The following ZNF334 variants were observed in gnomAD, a reference collection of about 807,000 sequenced individuals.
The protein encoded by ZNF334 is zinc finger protein 334.
A neutral mutation model predicts 12.4 loss-of-function variants in ZNF334; 14 were observed. That is an observed-to-expected ratio of 1.13 (90% confidence interval 0.74 to 1.76). The LOEUF (loss-of-function observed/expected upper bound fraction) is 1.76, where lower values mean the gene tolerates loss of function less well. ZNF334 is among the 40% of genes most tolerant of loss of function. The pLI is 0.00. For synonymous variants in ZNF334, 273 were observed against 269.6 expected, an observed-to-expected ratio of 1.01 and a Z score of -0.12; for missense variants, 797 against 804.5, an observed-to-expected ratio of 0.99 and a Z score of 0.11.
chr20:46,498,774 T>A (rs1001689369), downstream of ZNF334, among the ~76,000 whole-genome samples: 9 of 152,196 alleles, frequency 5.9e-5, no homozygotes, highest in African/African-American at 1.9e-4. Flanking sequence ...TTGTTGCAGA[T>A]GTAATTATTT....
the ZNF334 span, among the ~76,000 whole-genome samples, chr20:46,478,605 G>A: frequency 1.6e-4 from 25 of 152,290 alleles, no homozygotes; most frequent in East Asian, 9.6e-4. Flanking sequence ...AGGCATGTCC[G>A]ACCCCACTTC....
At chr20:46,496,442 C>T (rs908882394), downstream of ZNF334, among the ~76,000 whole-genome samples, 4 of 152,174 alleles carry the variant, frequency 2.6e-5, no homozygotes, top group East Asian at 1.9e-4. Flanking sequence ...AATGAAGAGA[C>T]TCTTTACAAA....
the ZNF334 span, among the ~76,000 whole-genome samples, chr20:46,482,671 A>C: frequency 6.6e-6 from 1 of 152,348 alleles, no homozygotes; most frequent in African/African-American, 2.4e-5. Flanking sequence ...ATCAATTAAA[A>C]AAGATCTATT....
At chr20:46,510,206 T>G (rs183336941) in intron 2 of ZNF334, among the ~76,000 whole-genome samples, 20 of 152,194 alleles carry the variant, frequency 1.3e-4, no homozygotes, top group East Asian at 9.7e-4. Flanking sequence ...CATGATCACG[T>G]TGGCATTTTG....
chr20:46,477,342 GT>G, the ZNF334 span: 39 of 147,026 alleles, frequency 2.7e-4, no homozygotes, highest in East Asian at 7.9e-4. Context: ...TTGTTTTTTG[GT>G]TTTTTTTTTT....
At chr20:46,467,876 G>A in the ZNF334 span, among the ~76,000 whole-genome samples, 1 of 152,206 alleles carries the variant, frequency 6.6e-6, no homozygotes, top group Non-Finnish European at 1.5e-5. Flanking sequence ...GTAACAATGT[G>A]TTCATCACAG....
At chr20:46,465,541 AAAACAAAC>A in the ZNF334 span, among the ~76,000 whole-genome samples, 1 of 152,128 alleles carries the variant, frequency 6.6e-6, no homozygotes, top group Non-Finnish European at 1.5e-5. Flanking sequence ...CTAAAAAACC[AAAACAAAC>A]AAACAAACAA....
At chr20:46,493,462 G>A in the ZNF334 span, among the ~76,000 whole-genome samples, 1 of 152,168 alleles carries the variant, frequency 6.6e-6, no homozygotes, top group Non-Finnish European at 1.5e-5. Context: ...CAAAGGTCTT[G>A]GGTCTGTGGT....
At chr20:46,463,900 G>C in the ZNF334 span, 4 of 484,058 alleles carry the variant, frequency 8.3e-6, no homozygotes, top group South Asian at 6.3e-5. Flanking sequence ...TGGCTACTGA[G>C]CCAAGTCATA....
chr20:46,477,072 T>C, the ZNF334 span: 2 of 152,214 alleles, frequency 1.3e-5, no homozygotes, highest in Admixed American at 6.5e-5. Context: ...TTTTCCGGCA[T>C]ATTAAGTGCT....
At chr20:46,486,609 A>T in the ZNF334 span, among the ~76,000 whole-genome samples, 1 of 152,180 alleles carries the variant, frequency 6.6e-6, no homozygotes, top group Non-Finnish European at 1.5e-5. Flanking sequence ...TCACACAGCC[A>T]GTTTTAAGGA....
At chr20:46,503,463 A>T (rs1406182679) in intron 4 of ZNF334, among the ~76,000 whole-genome samples, 1 of 152,200 alleles carries the variant, frequency 6.6e-6, no homozygotes, top group Non-Finnish European at 1.5e-5. Flanking sequence ...TGGAGTGTTG[A>T]ATAAAACAGA....
At chr20:46,489,658 A>G in the ZNF334 span, among the ~76,000 whole-genome samples, 1 of 151,914 alleles carries the variant, frequency 6.6e-6, no homozygotes, top group Middle Eastern at 3.4e-3. Flanking sequence ...TCAAAAAAAA[A>G]AAAAAAAAAA....
the ZNF334 span, among the ~76,000 whole-genome samples, chr20:46,487,060 C>T: frequency 2.6e-5 from 4 of 152,042 alleles, no homozygotes; most frequent in South Asian, 8.3e-4. Flanking sequence ...TCCTGTCAAT[C>T]TGTCATTTGC....
the ZNF334 span, chr20:46,490,789 G>A: frequency 6.6e-6 from 1 of 152,138 alleles, no homozygotes; most frequent in Non-Finnish European, 1.5e-5. Flanking sequence ...ATGTTGCAGT[G>A]TCCAGTTCTG....
intron 2 of ZNF334, among the ~76,000 whole-genome samples, chr20:46,507,731 C>T (rs1284632081): frequency 1.3e-5 from 2 of 152,206 alleles, no homozygotes; most frequent in Admixed American, 1.3e-4. Context: ...TGCTATACAT[C>T]TTTCTACTGA....
At chr20:46,498,957 G>A (rs2061070257), downstream of ZNF334, among the ~76,000 whole-genome samples, 1 of 151,736 alleles carries the variant, frequency 6.6e-6, no homozygotes, top group Admixed American at 6.6e-5. Context: ...GGCGGATCAC[G>A]AGGTCAGGAG....
At chr20:46,466,157 T>C in the ZNF334 span, among the ~76,000 whole-genome samples, 6 of 152,230 alleles carry the variant, frequency 3.9e-5, no homozygotes, top group South Asian at 1.0e-3. Flanking sequence ...AATTTTCTTA[T>C]CTAATCTCTA....
At position 46,504,176 on chromosome 20, in the gene ZNF334, T is replaced by C. The variant is rs2061348668; in HGVS notation, c.241+38A>G. The C allele has an allele frequency of 2.1e-6, 3 of 1,420,908 alleles. No homozygotes were observed. In the African/African-American group the frequency reaches 4.3e-5, roughly 20 times the overall value. The allele number at this position is 1,420,908 out of a possible 1,614,324, so 88.0% of individuals were successfully genotyped here. A position where few individuals can be genotyped will look rare whatever the true frequency, so the allele number is the denominator to read the frequency against. On this transcript the variant is annotated intron_variant, in intron 4 of 4. Coordinates refer to ENST00000692313, the MANE Select transcript of ZNF334 (RefSeq NM_001353824.2). ...CCACCGACCACCATGGAACTCTCATTTCCATTGGTTCCACCTGCTCAGTTA... is the reference window on the plus strand; with the variant it reads ...CCACCGACCACCATGGAACTCTCATCTCCATTGGTTCCACCTGCTCAGTTA...
Sources: allele counts gnomAD v4.1 joint callset (sites outside exome capture counted in the v4.1 genomes callset), GRCh38; gene constraint gnomAD v4.1.1; transcripts MANE v1.5; gene names NCBI Gene and HGNC (gene_info 2026-07-23, HGNC 2026-07-21).